The following CECR2 variants were observed in gnomAD, a reference collection of about 807,000 sequenced individuals.
The protein encoded by CECR2 is chromatin remodeling regulator CECR2.
Under a neutral mutation model 154.5 loss-of-function variants are expected in CECR2, and 30 were observed. The observed-to-expected ratio is 0.19, with a 90% CI of 0.15 to 0.26. CECR2 has a LOEUF of 0.26. CECR2 is among the 10% of genes least tolerant of loss of function. CECR2 has a pLI of 1.00. For synonymous variants in CECR2, 725 were observed against 683.7 expected (o/e 1.06, Z -0.94); for missense variants, 1,743 against 1,829.3 (o/e 0.95, Z 0.86).
rs774935882 is a variant in CECR2, at chr22:17,552,070, A to G, written c.4317A>G (p.Pro1439=). ...MHPVQSQASF[P]KTPTAATSQE... ...CGGTCCAGTCGCAGGCCTCGTTCCC[A>G]AAGACCCCCACAGCAGCAACATCAC... The change falls in exon 18 of 19, where the codon CCA becomes CCG. Residue 1439 remains proline (P), a synonymous_variant. Coordinates refer to ENST00000262608, the MANE Select transcript of CECR2 (RefSeq NM_001290047.2). 1.2e-6 allele frequency: 2 copies of G among 1,613,964 alleles called. No homozygotes were observed. The highest frequency in any genetic ancestry group is 1.1e-5 in the South Asian group (1 of 91,078).
At chr22:17,538,408 T>C in intron 10 of CECR2, 112 bp from the exon 11 acceptor site, 1 of 932,488 alleles carries the variant, frequency 1.1e-6, no homozygotes, top group Non-Finnish European at 1.8e-6. Flanking sequence ...AACCACACTA[T>C]TAGGACTATT....
At chr22:17,482,306 C>T (rs527884286) in intron 2 of CECR2, among the ~76,000 whole-genome samples, 319 of 151,528 alleles carry the variant, frequency 2.1e-3, no homozygotes, top group African/African-American at 7.4e-3. Context: ...TGCCTGTAGT[C>T]CCAGCTACTC....
chr22:17,548,090 A>G, intron 16 of CECR2, 58 bp from the exon 17 acceptor site: 1 of 1,407,906 alleles, frequency 7.1e-7, no homozygotes, highest in Non-Finnish European at 9.5e-7. Flanking sequence ...TCTTCACATT[A>G]ATACTGTCAT....
Position 17,556,296 on chromosome 22 carries a change from A to G in CECR2, c.*3456A>G, listed in dbSNP as rs1307936710. 6.6e-6 allele frequency: 1 copy of G among 152,208 alleles called. No individual in the cohort carries two copies. The highest frequency in any genetic ancestry group is 1.5e-5 in the Non-Finnish European group (1 of 68,052). The allele number at this position is 152,208 out of a possible 1,614,324, so 9.4% of individuals were successfully genotyped here. On this transcript the variant is annotated 3_prime_UTR_variant, in exon 19 of 19. Coordinates refer to ENST00000262608, the MANE Select transcript of CECR2 (RefSeq NM_001290047.2). ...ATGCTCCTCTTCGTTAGGCTTAGTG[A>G]AAACCTTAAGACCTGCAGTTTGTGC...
intron 8 of CECR2, among the ~76,000 whole-genome samples, chr22:17,516,067 A>T (rs2056047974): frequency 6.6e-6 from 1 of 152,112 alleles, no homozygotes; most frequent in Non-Finnish European, 1.5e-5. Flanking sequence ...ACCTTCCTAT[A>T]TTATATATGT....
chr22:17,419,570 A>AAAGAAG, intron 1 of CECR2: 1 of 232,852 alleles, frequency 4.3e-6, no homozygotes, highest in Non-Finnish European at 7.8e-6. Context: ...AGGAGGAAGA[A>AAAGAAG]AAGAAGAAGA....
intron 1 of CECR2, 29 bp from the exon 2 acceptor site, chr22:17,477,559 T>A (rs1281151527): frequency 1.4e-6 from 2 of 1,464,200 alleles, no homozygotes; most frequent in South Asian, 2.3e-5. Flanking sequence ...TCTGTTTGAT[T>A]TCTCAACTTC....
At chr22:17,378,170 A>G (rs1161810022) in intron 1 of CECR2, among the ~76,000 whole-genome samples, 1 of 150,604 alleles carries the variant, frequency 6.6e-6, no homozygotes, top group Non-Finnish European at 1.5e-5. Context: ...TTTTTAGTAG[A>G]GACGGGGTTT....
chr22:17,386,807 C>T lies in CECR2; in HGVS notation c.126+16898C>T, dbSNP rs113546403. On this transcript the variant is annotated intron_variant, in intron 1 of 18. Transcript: ENST00000262608. Reference sequence around the variant, plus strand: ...CTGGGATTACAGGCGCATGCCACCACGCCCAGCTAATTTTTGTAATTGTAG... The same window carrying T: ...CTGGGATTACAGGCGCATGCCACCATGCCCAGCTAATTTTTGTAATTGTAG... Among the ~76,000 whole-genome samples, 166 of 152,098 alleles carry T rather than the reference C, an allele frequency of 1.1e-3. 1 individual carries two copies. Among genetic ancestry groups the T allele is most frequent in the African/African-American group, 3.8e-3 (158 of 41,470 alleles).
chr22:17,411,495 A>C (rs1343456729), intron 1 of CECR2, among the ~76,000 whole-genome samples: 1 of 152,188 alleles, frequency 6.6e-6, no homozygotes, highest in South Asian at 2.1e-4. Context: ...GCTGGGTTTC[A>C]CTGAAAGTAA....
rs577373959 is a variant in CECR2 at position 17,454,557 on chromosome 22, A to T, written c.127-23031A>T. Among the ~76,000 whole-genome samples the T allele has an allele frequency of 1.1e-4, 16 of 150,554 alleles. No individual in the cohort carries two copies. In the South Asian group the frequency reaches 3.4e-3, roughly 32 times the overall value. On this transcript the variant is annotated intron_variant, in intron 1 of 18. Coordinates refer to ENST00000262608, the MANE Select transcript of CECR2 (RefSeq NM_001290047.2). ...GAGGCGGAGCTTGCAGTGAGCTGAG[A>T]TCGCACCACTGCACTCCAGCCTGGG...
chr22:17,483,439 A>AC (rs2055364177), intron 2 of CECR2, among the ~76,000 whole-genome samples: 1 of 151,830 alleles, frequency 6.6e-6, no homozygotes, highest in South Asian at 2.1e-4. Context: ...ATATAGCAAG[A>AC]CCCCTGTCTC....
At position 17,553,358 on chromosome 22, in the gene CECR2, G is replaced by A. The variant is rs531837890; in HGVS notation, c.*518G>A. ...AATGTATTGTACATAAAGTGGGAAG[G>A]GTGGGTGGGGATGCGGAAGAAATGG... is the stretch of plus-strand genomic sequence containing the variant. On this transcript the variant is annotated 3_prime_UTR_variant, in exon 19 of 19. Transcript: ENST00000262608. The A allele has an allele frequency of 1.3e-5, 2 of 152,642 alleles. No homozygotes were observed. Among genetic ancestry groups the A allele is most frequent in the African/African-American group, 4.8e-5 (2 of 41,508 alleles). The allele number at this position is 152,642 out of a possible 1,614,324, so 9.5% of individuals were successfully genotyped here. A position where few individuals can be genotyped will look rare whatever the true frequency, so the allele number is the denominator to read the frequency against.
chr22:17,414,883 G>T (rs571764531), intron 1 of CECR2, among the ~76,000 whole-genome samples: 5 of 152,146 alleles, frequency 3.3e-5, no homozygotes, highest in Non-Finnish European at 7.3e-5. Context: ...TCTTAGTGGT[G>T]TACCTGTTTG....
intron 16 of CECR2, among the ~76,000 whole-genome samples, chr22:17,546,301 C>G (rs1002744905): frequency 9.9e-5 from 15 of 151,758 alleles, no homozygotes; most frequent in Non-Finnish European, 1.3e-4. Flanking sequence ...TCCTGGCTAA[C>G]ACGGTGAAAC....
intron 5 of CECR2, among the ~76,000 whole-genome samples, chr22:17,501,271 G>A (rs2055732977): frequency 6.6e-6 from 1 of 152,064 alleles, no homozygotes; most frequent in Non-Finnish European, 1.5e-5. Flanking sequence ...GCTTGAGTTA[G>A]GCTGAATTTC....
At chr22:17,466,972 A>G (rs1249736894) in intron 1 of CECR2, among the ~76,000 whole-genome samples, 1 of 152,202 alleles carries the variant, frequency 6.6e-6, no homozygotes, top group Admixed American at 6.5e-5. Context: ...GCTATGCTGC[A>G]GTAACAAGCA....
chr22:17,396,253 A>C (rs1310218542), intron 1 of CECR2, among the ~76,000 whole-genome samples: 2 of 151,296 alleles, frequency 1.3e-5, no homozygotes, highest in South Asian at 2.1e-4. Context: ...AAAAAAAAAA[A>C]AAAAAACAAG....
intron 1 of CECR2, among the ~76,000 whole-genome samples, chr22:17,420,437 T>C (rs2146599395): frequency 6.6e-6 from 1 of 152,318 alleles, no homozygotes; most frequent in South Asian, 2.1e-4. Context: ...TTGGCTGTTC[T>C]TTTCTTGGAA....
Sources: gnomAD v4.1 joint callset for allele counts (sites outside exome capture counted in the v4.1 genomes callset) on GRCh38, gnomAD v4.1.1 for gene constraint, MANE v1.5 for transcripts, NCBI Gene and HGNC (gene_info 2026-07-23, HGNC 2026-07-21) for gene names.